Variants in THOC5 observed in about 807,000 individuals in gnomAD.
THOC5 encodes the protein Fms-interacting protein.
A neutral mutation model predicts 92.9 loss-of-function variants in THOC5; 43 were observed. That is an observed-to-expected ratio of 0.46 (90% CI 0.36 to 0.60). The LOEUF is 0.60. Among genes scored for constraint, THOC5 ranks in the 20% least tolerant of loss-of-function variants. The probability of loss-of-function intolerance (pLI) is 0.00; values close to 1 mark genes in which losing one functional copy is unlikely to be tolerated. For missense variants in THOC5, 659 were observed against 849.4 expected (o/e 0.78, Z 2.79); for synonymous variants, 296 against 320.1 (o/e 0.92, Z 0.80).
intron 7 of THOC5, 81 bp downstream of exon 7, chr22:29,536,543 T>C: frequency 1.2e-6 from 1 of 835,914 alleles, no homozygotes; most frequent in South Asian, 1.4e-5. Flanking sequence ...GTAATAGACC[T>C]GGCAAAGCCC....
At chr22:29,518,960 G>C (rs754466493) in intron 15 of THOC5, 46 bp downstream of exon 15, 8 of 1,191,278 alleles carry the variant, frequency 6.7e-6, no homozygotes, top group South Asian at 2.8e-5. Context: ...TGTTGTCCGT[G>C]TGTTGTCTGA....
At chr22:29,551,934 C>T (rs1384365092) in intron 1 of THOC5, among the ~76,000 whole-genome samples, 2 of 152,018 alleles carry the variant, frequency 1.3e-5, no homozygotes, top group Non-Finnish European at 2.9e-5. Flanking sequence ...TGCAGGCGCG[C>T]GCCGCCACGC....
At chr22:29,540,347 G>A (rs943161496) in intron 5 of THOC5, among the ~76,000 whole-genome samples, 128 of 152,280 alleles carry the variant, frequency 8.4e-4, no homozygotes, top group Middle Eastern at 3.4e-3. Context: ...TAATGATAAC[G>A]GCAGCTATCA....
At position 29,528,180 on chromosome 22, in the gene THOC5, G is replaced by A. The variant is rs2146495852; in HGVS notation, c.967-3C>T. ...CCCAGTGTGGGTCTCCGGCGCTTCT[G>A]GACAAAGGAAAGTGCCAAGCTGATG... On this transcript the variant is annotated splice_polypyrimidine_tract_variant and splice_region_variant and intron_variant, in intron 10 of 19. Transcript: ENST00000490103. 3.1e-6 allele frequency: 5 copies of A among 1,614,106 alleles called. No homozygotes were observed. Among genetic ancestry groups the A allele is most frequent in the Non-Finnish European group, 4.2e-6 (5 of 1,180,004 alleles).
In THOC5 at chr22:29,544,965, G is replaced by A. The variant is rs2063984758; in HGVS notation, c.97-362C>T. On this transcript the variant is annotated intron_variant, in intron 2 of 19. Coordinates refer to ENST00000490103, the MANE Select transcript of THOC5 (RefSeq NM_003678.5). ...AAAACGGGATCATACTGTCCGTGCT[G>A]TTAAGTGCAACTTCCCATCTGCATT... is the stretch of plus-strand genomic sequence containing the variant. 4 of 337,062 alleles carry A rather than the reference G, an allele frequency of 1.2e-5. No individual in the cohort carries two copies. The Admixed American group carries it at 1.6e-4, about 14-fold the overall frequency. 20.9% of individuals were successfully genotyped at this position (337,062 alleles called of 1,614,324 possible).
intron 8 of THOC5, chr22:29,531,140 G>C (rs1211920401): frequency 8.6e-7 from 1 of 1,164,152 alleles, no homozygotes; most frequent in South Asian, 1.8e-5. Flanking sequence ...GGAGAACAAA[G>C]GGGAGGGGAG....
At chr22:29,550,104 T>C (rs1448132655) in intron 1 of THOC5, among the ~76,000 whole-genome samples, 2 of 152,138 alleles carry the variant, frequency 1.3e-5, no homozygotes, top group Non-Finnish European at 2.9e-5. Flanking sequence ...CCAATACTAC[T>C]GTGATCACTG....
At chr22:29,525,457 C>T (rs376018953) in intron 12 of THOC5, among the ~76,000 whole-genome samples, 88 of 152,158 alleles carry the variant, frequency 5.8e-4, no homozygotes, top group African/African-American at 2.0e-3. Flanking sequence ...AAAATCCCAG[C>T]ACCTTGGGAT....
chr22:29,513,640 G>A (rs916133183), intron 17 of THOC5, among the ~76,000 whole-genome samples: 3 of 151,972 alleles, frequency 2.0e-5, no homozygotes, highest in Non-Finnish European at 1.5e-5. Context: ...AGTGAGCTGA[G>A]ATCATGCCAC....
rs12167052 is a variant in THOC5, at chr22:29,511,387, C to A, written c.1798-91G>T. 7,881 of 1,423,756 alleles carry A rather than the reference C, an allele frequency of 5.5e-3. 26 individuals are homozygous for A. The highest frequency in any genetic ancestry group is 6.7e-3 in the Non-Finnish European group (6,980 of 1,046,340). 88.2% of individuals were successfully genotyped at this position (1,423,756 alleles called of 1,614,324 possible). A position where few individuals can be genotyped will look rare whatever the true frequency, so the allele number is the denominator to read the frequency against. ...GCTTCCGTCCCTGGATGGGCCCGAG[C>A]GCTGATGCCTCTGCAGGGGCTGGGC... is the stretch of plus-strand genomic sequence containing the variant. On this transcript the variant is annotated intron_variant, in intron 18 of 19. Transcript: ENST00000490103.
chr22:29,545,657 C>T (rs960894569), intron 2 of THOC5, among the ~76,000 whole-genome samples: 1 of 152,168 alleles, frequency 6.6e-6, no homozygotes, highest in Non-Finnish European at 1.5e-5. Context: ...CCTTTGACTC[C>T]AGGTCTCACA....
intron 11 of THOC5, 73 bp from the exon 12 acceptor site, chr22:29,526,019 A>C: frequency 3.4e-6 from 2 of 586,798 alleles, no homozygotes; most frequent in Non-Finnish European, 3.0e-6. Flanking sequence ...CATAGGGGGT[A>C]GTAAGGTGGG....
chr22:29,538,206 T>G (rs962633474), intron 6 of THOC5, among the ~76,000 whole-genome samples: 2 of 152,056 alleles, frequency 1.3e-5, no homozygotes, highest in Non-Finnish European at 2.9e-5. Context: ...ATGGTCTCGA[T>G]CTCCTGACCT....
In THOC5 at chr22:29,539,413, A is replaced by T; in HGVS notation, c.516T>A (p.Asp172Glu). 6.2e-7 allele frequency: 1 copy of T among 1,614,108 alleles called. No individual in the cohort carries two copies. The highest frequency in any genetic ancestry group is 1.1e-5 in the South Asian group (1 of 91,078). The change falls in exon 6 of 20, where the codon GAT (aspartate) becomes GAA (glutamate). Residue 172 changes from aspartate (D) to glutamate (E), a missense_variant. Transcript: ENST00000490103. ...CCATGGTGACTTCGGCCTTGCTGATATCTGGTGGAGCCTCCTTATAAAACT... is the reference window on the plus strand; with the variant it reads ...CCATGGTGACTTCGGCCTTGCTGATTTCTGGTGGAGCCTCCTTATAAAACT... ...LEEFYKEAPP[D>E]ISKAEVTMGD...
chr22:29,544,389 C>T, intron 3 of THOC5, 71 bp downstream of exon 3: 3 of 1,522,120 alleles, frequency 2.0e-6, no homozygotes, highest in Admixed American at 1.8e-5. Context: ...AGGAAGGGCC[C>T]TGGTAGGTGC....
chr22:29,538,728 T>C (rs1410983765), intron 6 of THOC5, among the ~76,000 whole-genome samples: 1 of 130,436 alleles, frequency 7.7e-6, no homozygotes, highest in Admixed American at 9.2e-5. Context: ...GCCCAGGAGG[T>C]CAAGGCTGAA....
In THOC5 at chr22:29,548,812, T is replaced by A. The variant is rs2240638; in HGVS notation, c.96+240A>T. ...AGACACATATCATACTGGAATACAT[T>A]CTCTGGGTAGGTATAATCATGTCTA... is the stretch of plus-strand genomic sequence containing the variant. On this transcript the variant is annotated intron_variant, in intron 2 of 19. Coordinates refer to ENST00000490103, the MANE Select transcript of THOC5 (RefSeq NM_003678.5). Among the ~76,000 whole-genome samples, 37,624 of 151,920 alleles carry A rather than the reference T, an allele frequency of 0.25. 4,748 individuals carry two copies. The highest frequency in any genetic ancestry group is 0.32 in the East Asian group (1,630 of 5,152).
At chr22:29,526,020 G>C in intron 11 of THOC5, 74 bp from the exon 12 acceptor site, 1 of 575,002 alleles carries the variant, frequency 1.7e-6, no homozygotes, top group Admixed American at 2.2e-5. Context: ...ATAGGGGGTA[G>C]TAAGGTGGGG....
intron 1 of THOC5, among the ~76,000 whole-genome samples, chr22:29,552,113 G>A (rs1246875187): frequency 1.3e-5 from 2 of 152,138 alleles, no homozygotes; most frequent in African/African-American, 2.4e-5. Flanking sequence ...CTGGAGTGCA[G>A]TGGCGTGATC....
Sources: allele counts gnomAD v4.1 joint callset (sites outside exome capture counted in the v4.1 genomes callset), GRCh38; gene constraint gnomAD v4.1.1; transcripts MANE v1.5; gene names NCBI Gene and HGNC (gene_info 2026-07-23, HGNC 2026-07-21).